Variants in DEPDC7 observed in about 807,000 individuals in gnomAD.
DEPDC7 encodes the protein DEP domain containing 7, also known as DEP domain-containing protein 7.
In DEPDC7, 41 loss-of-function variants were observed where a neutral mutation model predicts 56.6. The ratio of observed to expected loss-of-function variants is 0.72; its 90% confidence interval spans 0.56 to 0.94. DEPDC7 has a LOEUF of 0.94. Ranked by LOEUF, DEPDC7 falls within the 40% of genes least tolerant of loss-of-function variation. DEPDC7 has a pLI of 0.00. For missense variants in DEPDC7, 522 were observed against 596.3 expected (o/e 0.88, Z 1.30); for synonymous variants, 185 against 208.8 (o/e 0.89, Z 0.98).
At chr11:33,029,145 T>G (rs1161412870) in intron 4 of DEPDC7, among the ~76,000 whole-genome samples, 1 of 151,214 alleles carries the variant, frequency 6.6e-6, no homozygotes, top group Non-Finnish European at 1.5e-5. Context: ...ATTGAGATCC[T>G]TTGATTACAT....
At chr11:33,026,967 A>T (rs997220730) in intron 2 of DEPDC7, among the ~76,000 whole-genome samples, 1 of 152,130 alleles carries the variant, frequency 6.6e-6, no homozygotes, top group African/African-American at 2.4e-5. Flanking sequence ...ACATGATAAA[A>T]TTTACCTCTT....
rs190876562 is a variant in DEPDC7, at chr11:33,023,022, G to A, written c.74-2637G>A. ...GGGTGGATCACGAGGTCAGGAGATC[G>A]AGACCATCCTGGCTAACACGATGAA... On this transcript the variant is annotated intron_variant, in intron 1 of 8. Transcript: ENST00000241051. Among the ~76,000 whole-genome samples, 669 of 152,054 alleles carry A rather than the reference G, an allele frequency of 4.4e-3. 10 individuals are homozygous for A. Among genetic ancestry groups the A allele is most frequent in the Non-Finnish European group, 3.7e-3 (251 of 67,996 alleles).
In DEPDC7 at chr11:33,027,664, T is replaced by C; in HGVS notation, c.465-22T>C. The C allele has an allele frequency of 2.0e-6, 3 of 1,472,802 alleles. No homozygotes were observed. The South Asian group carries it at 4.3e-5, about 21-fold the overall frequency. The allele number at this position is 1,472,802 out of a possible 1,614,324, so 91.2% of individuals were successfully genotyped here. A position where few individuals can be genotyped will look rare whatever the true frequency, so the allele number is the denominator to read the frequency against. On this transcript the variant is annotated intron_variant, in intron 2 of 8. Transcript: ENST00000241051. Reference sequence around the variant, plus strand: ...TTCTGTGGGCTTAGTAAATGTTCATTTCTGAAATAAATTCATTTTAGGTAT... The same window carrying C: ...TTCTGTGGGCTTAGTAAATGTTCATCTCTGAAATAAATTCATTTTAGGTAT...
chr11:33,026,156 T>C (rs1417447098), intron 2 of DEPDC7, 107 bp downstream of exon 2: 2 of 1,262,770 alleles, frequency 1.6e-6, no homozygotes. Flanking sequence ...TAAATGTGGC[T>C]AAAATATGGG....
chr11:33,030,632 G>A (rs897063225), intron 4 of DEPDC7, among the ~76,000 whole-genome samples: 8 of 152,104 alleles, frequency 5.3e-5, no homozygotes, highest in African/African-American at 1.9e-4. Context: ...TGCCCAGGCT[G>A]GAGTGCAGTG....
rs924311941 is a variant in DEPDC7, at chr11:33,033,569, A to T, written c.*114A>T. 1.7e-5 allele frequency: 12 copies of T among 726,772 alleles called. No individual in the cohort carries two copies. Among genetic ancestry groups the T allele is most frequent in the African/African-American group, 1.3e-4 (7 of 54,750 alleles). 45.0% of individuals were successfully genotyped at this position (726,772 alleles called of 1,614,324 possible). A position where few individuals can be genotyped will look rare whatever the true frequency, so the allele number is the denominator to read the frequency against. Reference sequence around the variant, plus strand: ...AAATTTGAAACTGTACTTAATAAAAATTTTTTTGTATAACTTCGTGTGTCA... The same window carrying T: ...AAATTTGAAACTGTACTTAATAAAATTTTTTTTGTATAACTTCGTGTGTCA... On this transcript the variant is annotated 3_prime_UTR_variant, in exon 9 of 9. Coordinates refer to ENST00000241051, the MANE Select transcript of DEPDC7 (RefSeq NM_001077242.2).
At chr11:33,016,252 C>T in intron 1 of DEPDC7, 1 of 1,340,368 alleles carries the variant, frequency 7.5e-7, no homozygotes, top group Non-Finnish European at 9.5e-7. Context: ...AGCCCGCCCG[C>T]ACAGCCCAGC....
chr11:33,029,208 T>C (rs541894373), intron 4 of DEPDC7, among the ~76,000 whole-genome samples: 1 of 151,332 alleles, frequency 6.6e-6, no homozygotes, highest in Non-Finnish European at 1.5e-5. Flanking sequence ...ATTAAAGAAA[T>C]ACAATAAGGC....
chr11:33,019,999 T>C (rs1335529119), intron 1 of DEPDC7, among the ~76,000 whole-genome samples: 7 of 152,122 alleles, frequency 4.6e-5, no homozygotes, highest in Admixed American at 6.5e-5. Flanking sequence ...TACATTGGGA[T>C]CCAATTTTAT....
intron 2 of DEPDC7, 68 bp downstream of exon 2, chr11:33,026,117 C>A (rs756019898): frequency 6.5e-7 from 1 of 1,544,346 alleles, no homozygotes; most frequent in Admixed American, 1.7e-5. Context: ...TATGAGATGC[C>A]TACTGGCTTT....
chr11:33,016,346 C>G (rs1287941080), intron 1 of DEPDC7: 1 of 1,409,090 alleles, frequency 7.1e-7, no homozygotes, highest in Non-Finnish European at 9.2e-7. Flanking sequence ...CCGGGGAGCT[C>G]CGGGATATGC....
At chr11:33,017,823 C>T (rs1041374234) in intron 1 of DEPDC7, among the ~76,000 whole-genome samples, 36 of 152,298 alleles carry the variant, frequency 2.4e-4, no homozygotes, top group African/African-American at 8.7e-4. Flanking sequence ...GAAATGAGAT[C>T]TATATGCCAG....
At chr11:33,024,284 C>G (rs139445106) in intron 1 of DEPDC7, among the ~76,000 whole-genome samples, 110 of 152,350 alleles carry the variant, frequency 7.2e-4, no homozygotes, top group African/African-American at 2.6e-3. Context: ...TGTGCGTACT[C>G]TGTCTTTGCA....
intron 4 of DEPDC7, among the ~76,000 whole-genome samples, chr11:33,029,236 G>A (rs1290647524): frequency 1.3e-5 from 2 of 151,660 alleles, no homozygotes; most frequent in Non-Finnish European, 2.9e-5. Context: ...GGTGGCCCAT[G>A]CCTGTAATCC....
At chr11:33,018,152 G>A (rs1405363442) in intron 1 of DEPDC7, among the ~76,000 whole-genome samples, 1 of 152,128 alleles carries the variant, frequency 6.6e-6, no homozygotes. Context: ...CCAACTAGCA[G>A]GAAAATAAAC....
chr11:33,029,051 T>C lies in DEPDC7; in HGVS notation c.782+259T>C, dbSNP rs1194100844. The stretch of plus-strand genomic sequence containing the variant: ...AAAAAATGATTATGCTTTAGCTTCT[T>C]ATCTTTGTTAAAATGTAGAGCTGTC... On this transcript the variant is annotated intron_variant, in intron 4 of 8. Coordinates refer to ENST00000241051, the MANE Select transcript of DEPDC7 (RefSeq NM_001077242.2). 2.0e-5 allele frequency among the ~76,000 whole-genome samples: 3 copies of C among 151,972 alleles called. No homozygotes were observed. The East Asian group carries it at 5.8e-4, about 29-fold the overall frequency.
rs936185965 is a variant in DEPDC7, at chr11:33,028,758, G to C, written c.748G>C (p.Asp250His). The C allele has an allele frequency of 1.2e-6, 2 of 1,612,186 alleles. No individual in the cohort carries two copies. The highest frequency in any genetic ancestry group is 1.7e-5 in the Admixed American group (1 of 59,272). Residue 250 changes from aspartate to histidine, a missense_variant, in exon 4 of 9, where the codon GAT becomes CAT. By Grantham distance (81) the Asp-to-His change is moderately conservative. Transcript: ENST00000241051. The part of the protein sequence containing the change: ...STMVNSSNYL[D>H]RGILKAYSDS... ...CATGGTCAACAGCAGTAACTATCTG[G>C]ATCGAGGGATTCTCAAGGCTTATAG... is the stretch of plus-strand genomic sequence containing the variant.
chr11:33,026,212 A>T, intron 2 of DEPDC7, 163 bp downstream of exon 2: 1 of 706,420 alleles, frequency 1.4e-6, no homozygotes, highest in East Asian at 2.7e-5. Flanking sequence ...TGTTAGCTTT[A>T]TTGGGTGTCT....
At chr11:33,017,735 C>T (rs760099982) in intron 1 of DEPDC7, among the ~76,000 whole-genome samples, 3 of 152,150 alleles carry the variant, frequency 2.0e-5, no homozygotes, top group Non-Finnish European at 2.9e-5. Flanking sequence ...CAGCTTTGTA[C>T]TTTTGTTTCT....
Sources: allele counts gnomAD v4.1 joint callset (sites outside exome capture counted in the v4.1 genomes callset), GRCh38; gene constraint gnomAD v4.1.1; transcripts MANE v1.5; gene names NCBI Gene and HGNC (gene_info 2026-07-23, HGNC 2026-07-21).